The following IGSF3 variants were observed in gnomAD, a reference collection of about 807,000 sequenced individuals.
IGSF3 encodes glu-Trp-Ile EWI motif-containing protein 3.
A neutral mutation model predicts 114.4 loss-of-function variants in IGSF3; 23 were observed. That is an observed-to-expected ratio of 0.20 (90% CI 0.14 to 0.28). IGSF3 has a LOEUF of 0.28. Ranked by LOEUF, IGSF3 falls within the 10% of genes least tolerant of loss-of-function variation. The pLI, the probability that IGSF3 is intolerant of heterozygous loss-of-function variation, is 1.00. For missense variants in IGSF3, 1,172 were observed against 1,591.5 expected (o/e 0.74, Z 4.48); for synonymous variants, 571 against 645.2 (o/e 0.88, Z 1.74).
At chr1:116,641,161 T>C (rs2152942) in intron 2 of IGSF3, among the ~76,000 whole-genome samples, 69,484 of 151,948 alleles carry the variant, frequency 0.46, 17,785 homozygotes, top group African/African-American at 0.7. Context: ...AATTATCCTG[T>C]TCTCTCCACT....
chr1:116,635,753 T>C (rs1647798075), intron 2 of IGSF3, among the ~76,000 whole-genome samples: 1 of 152,252 alleles, frequency 6.6e-6, no homozygotes, highest in Admixed American at 6.5e-5. Context: ...CTCTGGTCTC[T>C]GCCAAGGCAA....
chr1:116,594,256 C>T lies in IGSF3; in HGVS notation c.2030-5152G>A, dbSNP rs1342885121. Among the ~76,000 whole-genome samples, 1 of 152,118 alleles carries T rather than the reference C, an allele frequency of 6.6e-6. No individual in the cohort carries two copies. Among genetic ancestry groups the T allele is most frequent in the African/African-American group, 2.4e-5 (1 of 41,422 alleles). Reference sequence around the variant, plus strand: ...TCCTGAGCATTTACGCACTGAAACTCATTATTTTACTATGAACTACTTTTT... The same window carrying T: ...TCCTGAGCATTTACGCACTGAAACTTATTATTTTACTATGAACTACTTTTT... On this transcript the variant is annotated intron_variant, in intron 7 of 10. Coordinates refer to ENST00000369486, the MANE Select transcript of IGSF3 (RefSeq NM_001007237.3). This position sits in a 1 kb window ranked among gnomAD's most constrained non-coding sequence, Gnocchi z 5.2.
At position 116,661,803 on chromosome 1, in the gene IGSF3, T is replaced by A. The variant is rs1470453504; in HGVS notation, c.43+4481A>T. ...CACATGGACCCTCAGGATAAGCATA[T>A]TTTCCAGCCTTCTTTGCAGCTAAAT... On this transcript the variant is annotated intron_variant, in intron 2 of 10. Coordinates refer to ENST00000369486, the MANE Select transcript of IGSF3 (RefSeq NM_001007237.3). The surrounding 1 kb of genome is among the most constrained non-coding windows in gnomAD (Gnocchi z 4.0). Among the ~76,000 whole-genome samples, 1 of 152,202 alleles carries A rather than the reference T, an allele frequency of 6.6e-6. No homozygotes were observed. The highest frequency in any genetic ancestry group is 1.5e-5 in the Non-Finnish European group (1 of 68,030).
chr1:116,578,977 AAAT>A (rs1659470700), intron 10 of IGSF3, among the ~76,000 whole-genome samples: 1 of 152,216 alleles, frequency 6.6e-6, no homozygotes, highest in South Asian at 2.1e-4. Flanking sequence ...GGACAAAAAG[AAAT>A]AATGACAGTG....
At chr1:116,643,808 G>C (rs1054522979) in intron 2 of IGSF3, among the ~76,000 whole-genome samples, 1 of 152,242 alleles carries the variant, frequency 6.6e-6, no homozygotes, top group Admixed American at 6.5e-5. Flanking sequence ...TGAGGATGCT[G>C]AAGTCCAGAA....
chr1:116,655,659 A>G lies in IGSF3; in HGVS notation c.43+10625T>C, dbSNP rs1375263092. Among the ~76,000 whole-genome samples, 1 of 152,224 alleles carries G rather than the reference A, an allele frequency of 6.6e-6. No individual in the cohort carries two copies. The highest frequency in any genetic ancestry group is 1.9e-4 in the East Asian group (1 of 5,206). ...TTCTATCTGGAGGAGTCACTTGGGA[A>G]TTGAAAACACACGAAAACTTTTTTT... On this transcript the variant is annotated intron_variant, in intron 2 of 10. Coordinates refer to ENST00000369486, the MANE Select transcript of IGSF3 (RefSeq NM_001007237.3). The surrounding 1 kb of genome is among the most constrained non-coding windows in gnomAD (Gnocchi z 4.3).
chr1:116,595,581 G>A lies in IGSF3; in HGVS notation c.2029+4360C>T, dbSNP rs947619721. On this transcript the variant is annotated intron_variant, in intron 7 of 10. Coordinates refer to ENST00000369486, the MANE Select transcript of IGSF3 (RefSeq NM_001007237.3). This position sits in a 1 kb window ranked among gnomAD's most constrained non-coding sequence, Gnocchi z 4.2. ...CCAGAGGGTATTAAATATTCATCCT[G>A]ACTGCCCATCAGTAAAATCCCAGCA... Among the ~76,000 whole-genome samples the A allele has an allele frequency of 2.0e-5, 3 of 152,198 alleles. No homozygotes were observed. Among genetic ancestry groups the A allele is most frequent in the Non-Finnish European group, 2.9e-5 (2 of 68,030 alleles).
rs1647915601 is a variant in IGSF3, at chr1:116,638,018, C to T, written c.44-21561G>A. Among the ~76,000 whole-genome samples the T allele has an allele frequency of 6.6e-6, 1 of 152,166 alleles. No individual in the cohort carries two copies. Among genetic ancestry groups the T allele is most frequent in the African/African-American group, 2.4e-5 (1 of 41,418 alleles). On this transcript the variant is annotated intron_variant, in intron 2 of 10. Coordinates refer to ENST00000369486, the MANE Select transcript of IGSF3 (RefSeq NM_001007237.3). This position sits in a 1 kb window ranked among gnomAD's most constrained non-coding sequence, Gnocchi z 4.1. ...CCTATAAGTATATCGGATCGCTCTC[C>T]TTCTTGCTGGCATCCACAGTAACTA...
chr1:116,644,737 C>A lies in IGSF3; in HGVS notation c.43+21547G>T, dbSNP rs986639427. Reference sequence around the variant, plus strand: ...TGATGAAAGGACCTCCTCAGGAAACCTCCCCACCAGCAACTGGCTCCAAAT... The same window carrying A: ...TGATGAAAGGACCTCCTCAGGAAACATCCCCACCAGCAACTGGCTCCAAAT... On this transcript the variant is annotated intron_variant, in intron 2 of 10. Transcript: ENST00000369486. The surrounding 1 kb of genome is among the most constrained non-coding windows in gnomAD (Gnocchi z 5.6). Among the ~76,000 whole-genome samples the A allele has an allele frequency of 6.6e-6, 1 of 152,182 alleles. No homozygotes were observed. Among genetic ancestry groups the A allele is most frequent in the Non-Finnish European group, 1.5e-5 (1 of 68,050 alleles).
rs1377747119 is a variant in IGSF3 at position 116,585,885 on chromosome 1, G to A, written c.2441-833C>T. ...CCAGCCTGTGCAACAGAGTGAGACT[G>A]TCTCAAAAAAAAGAAAAAGAAAAAG... is the stretch of plus-strand genomic sequence containing the variant. On this transcript the variant is annotated intron_variant, in intron 8 of 10. Transcript: ENST00000369486. The surrounding 1 kb of genome is among the most constrained non-coding windows in gnomAD (Gnocchi z 4.9). Among the ~76,000 whole-genome samples the A allele has an allele frequency of 2.0e-5, 3 of 152,062 alleles. No individual in the cohort carries two copies. Among genetic ancestry groups the A allele is most frequent in the Non-Finnish European group, 4.4e-5 (3 of 68,004 alleles).
rs1269405314 is a variant in IGSF3, at chr1:116,627,497, C to T, written c.44-11040G>A. ...CCTGCCACACTCAGCACTGCCTGCACCTCCTCCTGGAGCTGGCAGGGCCCC... is the reference window on the plus strand; with the variant it reads ...CCTGCCACACTCAGCACTGCCTGCATCTCCTCCTGGAGCTGGCAGGGCCCC... On this transcript the variant is annotated intron_variant, in intron 2 of 10. Transcript: ENST00000369486. The surrounding 1 kb of genome is among the most constrained non-coding windows in gnomAD (Gnocchi z 4.7). Among the ~76,000 whole-genome samples the T allele has an allele frequency of 2.0e-5, 3 of 152,206 alleles. No homozygotes were observed. Among genetic ancestry groups the T allele is most frequent in the African/African-American group, 7.2e-5 (3 of 41,450 alleles).
chr1:116,640,054 A>AAAAAAAAAAAAG (rs1553218793), intron 2 of IGSF3, among the ~76,000 whole-genome samples: 2 of 147,560 alleles, frequency 1.4e-5, no homozygotes, highest in African/African-American at 5.3e-5. Context: ...AAAAAAAAAA[A>AAAAAAAAAAAAG]AAAGAAAGAA....
chr1:116,604,623 C>T (rs538636091), intron 5 of IGSF3, among the ~76,000 whole-genome samples: 3 of 152,280 alleles, frequency 2.0e-5, no homozygotes, highest in South Asian at 2.1e-4. Flanking sequence ...GTGTGAGGAG[C>T]GGGCTTTCAT....
rs1659941552 is a variant in IGSF3 at position 116,588,341 on chromosome 1, A to G, written c.2440+353T>C. Among the ~76,000 whole-genome samples the G allele has an allele frequency of 6.6e-6, 1 of 152,108 alleles. No homozygotes were observed. On this transcript the variant is annotated intron_variant, in intron 8 of 10. Transcript: ENST00000369486. This position sits in a 1 kb window ranked among gnomAD's most constrained non-coding sequence, Gnocchi z 4.9. ...GAACTCTGGGTGTGGAGCTGGTGTC[A>G]GCCCAAGATTCAGGGTGCAAACTGC...
rs2101387419 is a variant in IGSF3, at chr1:116,593,709, C to A, written c.2030-4605G>T. 6.6e-6 allele frequency among the ~76,000 whole-genome samples: 1 copy of A among 152,336 alleles called. No individual in the cohort carries two copies. The highest frequency in any genetic ancestry group is 1.9e-4 in the East Asian group (1 of 5,180). On this transcript the variant is annotated intron_variant, in intron 7 of 10. Transcript: ENST00000369486. This position sits in a 1 kb window ranked among gnomAD's most constrained non-coding sequence, Gnocchi z 4.5. ...GCATATGACACTCCCTCCCTCTCAG[C>A]CTAGCCACAGCCAGGGGATTTCCCT...
At position 116,614,285 on chromosome 1, in the gene IGSF3, T is replaced by C. The variant is rs1661136164; in HGVS notation, c.422-110A>G. 2.4e-6 allele frequency: 2 copies of C among 847,722 alleles called. No homozygotes were observed. Among genetic ancestry groups the C allele is most frequent in the Non-Finnish European group, 3.8e-6 (2 of 527,088 alleles). 52.5% of individuals were successfully genotyped at this position (847,722 alleles called of 1,614,324 possible). A position where few individuals can be genotyped will look rare whatever the true frequency, so the allele number is the denominator to read the frequency against. ...CGTCACTGCACTGCGCCCCTAACAG[T>C]CATCCTTGAACCATCGATTCAAGGC... On this transcript the variant is annotated intron_variant, in intron 3 of 10. Transcript: ENST00000369486. This position sits in a 1 kb window ranked among gnomAD's most constrained non-coding sequence, Gnocchi z 4.5.
chr1:116,644,534 G>A lies in IGSF3; in HGVS notation c.43+21750C>T, dbSNP rs1049800734. Among the ~76,000 whole-genome samples the A allele has an allele frequency of 1.3e-5, 2 of 152,224 alleles. No individual in the cohort carries two copies. Among genetic ancestry groups the A allele is most frequent in the East Asian group, 1.9e-4 (1 of 5,198 alleles). On this transcript the variant is annotated intron_variant, in intron 2 of 10. Coordinates refer to ENST00000369486, the MANE Select transcript of IGSF3 (RefSeq NM_001007237.3). This position sits in a 1 kb window ranked among gnomAD's most constrained non-coding sequence, Gnocchi z 5.6. ...CTGGCCAGGAGCCAGCATAGTAGGT[G>A]CCGTGAAAGCCAGGAAGCGAACTGC...
At position 116,574,497 on chromosome 1, in the gene IGSF3, A is replaced by G. The variant is rs1659256958; in HGVS notation, c.*2815T>C. On this transcript the variant is annotated 3_prime_UTR_variant, in exon 11 of 11. Transcript: ENST00000369486. The surrounding 1 kb of genome is among the most constrained non-coding windows in gnomAD (Gnocchi z 5.2). ...ACAAATAGTTTTCCTTTAAAAAAAC[A>G]GAAACAAATCAACAGCTCTCTACAT... 3 of 152,826 alleles carry G rather than the reference A, an allele frequency of 2.0e-5. No individual in the cohort carries two copies. Among genetic ancestry groups the G allele is most frequent in the Non-Finnish European group, 4.4e-5 (3 of 68,044 alleles). The allele number at this position is 152,826 out of a possible 1,614,324, so 9.5% of individuals were successfully genotyped here. A position where few individuals can be genotyped will look rare whatever the true frequency, so the allele number is the denominator to read the frequency against.
chr1:116,623,451 C>A (rs1416677161), intron 2 of IGSF3, among the ~76,000 whole-genome samples: 1 of 151,872 alleles, frequency 6.6e-6, no homozygotes, highest in East Asian at 1.9e-4. Flanking sequence ...TTTGGGAGGC[C>A]AAGGCAGATG....
Sources: gnomAD v4.1 joint callset for allele counts (sites outside exome capture counted in the v4.1 genomes callset) on GRCh38, gnomAD v4.1.1 for gene constraint, Gnocchi (gnomAD v3.1) non-coding constraint, MANE v1.5 for transcripts, NCBI Gene and HGNC (gene_info 2026-07-23, HGNC 2026-07-21) for gene names.